The following SCD variants were observed in gnomAD, a reference collection of about 807,000 sequenced individuals.
SCD encodes stearoyl-CoA desaturase.
SCD carries 4 observed loss-of-function variants against 35.7 expected under a neutral mutation model. The ratio of observed to expected loss-of-function variants is 0.11; its 90% CI spans 0.06 to 0.26. The LOEUF is 0.26. Among genes scored for constraint, SCD ranks in the 10% least tolerant of loss-of-function variants. The pLI is 1.00. For missense variants in SCD, 282 were observed against 460.7 expected (o/e 0.61, Z 3.55); for synonymous variants, 150 against 170.2 (o/e 0.88, Z 0.92).
At chr10:100,355,969 G>GA (rs1849923048) in intron 4 of SCD, among the ~76,000 whole-genome samples, 1 of 152,214 alleles carries the variant, frequency 6.6e-6, no homozygotes. Context: ...ATTAGAAAGA[G>GA]AAAGGAGCCC....
rs773956662 is a variant in SCD at position 100,347,529 on chromosome 10, G to C, written c.25G>C (p.Asp9His). 6 of 1,613,882 alleles carry C rather than the reference G, an allele frequency of 3.7e-6. No homozygotes were observed. Among genetic ancestry groups the C allele is most frequent in the Non-Finnish European group, 5.1e-6 (6 of 1,180,004 alleles). MPAHLLQD[D>H]ISSSYTTTTT... ...GATGCCGGCCCACTTGCTGCAGGAC[G>C]ATGTGAGTTTCCCAGCCTGGCCCCG... The change falls in exon 1 of 6, where the codon GAT (aspartate) becomes CAT (histidine). Residue 9 changes from aspartate to histidine, a missense_variant and splice_region_variant. Coordinates refer to ENST00000370355, the MANE Select transcript of SCD (RefSeq NM_005063.5).
At chr10:100,353,368 A>G (rs769517604) in intron 3 of SCD, among the ~76,000 whole-genome samples, 2 of 152,078 alleles carry the variant, frequency 1.3e-5, no homozygotes, top group East Asian at 1.9e-4. Context: ...GGCAGATCAC[A>G]AGGTCAGGAG....
chr10:100,347,540 C>G lies in SCD; in HGVS notation c.27+9C>G, dbSNP rs201033598. ...ACTTGCTGCAGGACGATGTGAGTTTCCCAGCCTGGCCCCGTACCGCCGGGT... is the reference window on the plus strand; with the variant it reads ...ACTTGCTGCAGGACGATGTGAGTTTGCCAGCCTGGCCCCGTACCGCCGGGT... On this transcript the variant is annotated intron_variant, in intron 1 of 5. Coordinates refer to ENST00000370355, the MANE Select transcript of SCD (RefSeq NM_005063.5). The G allele has an allele frequency of 1.2e-6, 2 of 1,613,760 alleles. No individual in the cohort carries two copies.
intron 5 of SCD, among the ~76,000 whole-genome samples, chr10:100,359,338 C>T (rs1052948656): frequency 6.6e-6 from 1 of 152,152 alleles, no homozygotes; most frequent in Non-Finnish European, 1.5e-5. Flanking sequence ...ATCTTCTCTG[C>T]CAAATTAACC....
At chr10:100,358,695 G>A (rs1268722196) in intron 5 of SCD, among the ~76,000 whole-genome samples, 1 of 150,328 alleles carries the variant, frequency 6.7e-6, no homozygotes, top group African/African-American at 2.5e-5. Flanking sequence ...GTTCACTTGA[G>A]GTCAGGAGTT....
intron 2 of SCD, among the ~76,000 whole-genome samples, chr10:100,348,819 T>G (rs890400626): frequency 6.6e-6 from 1 of 152,102 alleles, no homozygotes; most frequent in Non-Finnish European, 1.5e-5. Flanking sequence ...AGAGAGCTCA[T>G]TGGAAAGAGA....
In SCD at chr10:100,360,906, C is replaced by T. The variant is rs372600470; in HGVS notation, c.1053C>T (p.Thr351=). 34 of 1,613,948 alleles carry T rather than the reference C, an allele frequency of 2.1e-5. No individual in the cohort carries two copies. Among genetic ancestry groups the T allele is most frequent in the East Asian group, 2.0e-4 (9 of 44,882 alleles). ...CCATCTTGGCCAGGATTAAAAGAAC[C>T]GGAGATGGAAACTACAAGAGTGGCT... ...KAAILARIKR[T]GDGNYKSG Residue 351 remains threonine, a synonymous_variant, in exon 6 of 6, where the codon ACC becomes ACT. Coordinates refer to ENST00000370355, the MANE Select transcript of SCD (RefSeq NM_005063.5).
chr10:100,359,081 G>C (rs1267227081), intron 5 of SCD, among the ~76,000 whole-genome samples: 1 of 152,108 alleles, frequency 6.6e-6, no homozygotes, highest in Non-Finnish European at 1.5e-5. Context: ...TCATAGGAAT[G>C]GAGTTTCTGG....
chr10:100,351,227 A>G (rs1849868980), intron 2 of SCD, among the ~76,000 whole-genome samples: 1 of 152,186 alleles, frequency 6.6e-6, no homozygotes, highest in African/African-American at 2.4e-5. Flanking sequence ...CCCACTTCCC[A>G]GTTAGAGATT....
chr10:100,347,441 G>A lies in SCD; in HGVS notation c.-64G>A. On this transcript the variant is annotated 5_prime_UTR_variant, in exon 1 of 6. Transcript: ENST00000370355. ...GGCTTCGAAACCGCAGTCCTCCGGCGACCCCGAACTCCGCTCCGGAGCCTC... is the reference window on the plus strand; with the variant it reads ...GGCTTCGAAACCGCAGTCCTCCGGCAACCCCGAACTCCGCTCCGGAGCCTC... 2 of 1,581,082 alleles carry A rather than the reference G, an allele frequency of 1.3e-6. No individual in the cohort carries two copies. Among genetic ancestry groups the A allele is most frequent in the South Asian group, 1.1e-5 (1 of 88,650 alleles).
rs1213122198 is a variant in SCD at position 100,364,487 on chromosome 10, T to C, written c.*3554T>C. 2 of 152,658 alleles carry C rather than the reference T, an allele frequency of 1.3e-5. No homozygotes were observed. The highest frequency in any genetic ancestry group is 2.9e-5 in the Non-Finnish European group (2 of 68,042). 9.5% of individuals were successfully genotyped at this position (152,658 alleles called of 1,614,324 possible). On this transcript the variant is annotated 3_prime_UTR_variant, in exon 6 of 6. Transcript: ENST00000370355. ...CAGGAATTCTCAAGACCTGAGTATTTTTTATAATAGGAATGTCCACCATGA... is the reference window on the plus strand; with the variant it reads ...CAGGAATTCTCAAGACCTGAGTATTCTTTATAATAGGAATGTCCACCATGA...
rs1849990169 is a variant in SCD, at chr10:100,361,565, C to T, written c.*632C>T. 2 of 152,794 alleles carry T rather than the reference C, an allele frequency of 1.3e-5. No homozygotes were observed. The highest frequency in any genetic ancestry group is 2.9e-5 in the Non-Finnish European group (2 of 68,510). The allele number at this position is 152,794 out of a possible 1,614,324, so 9.5% of individuals were successfully genotyped here. A position where few individuals can be genotyped will look rare whatever the true frequency, so the allele number is the denominator to read the frequency against. The stretch of plus-strand genomic sequence containing the variant: ...CATGATCAGACATACAGCTGCCTAC[C>T]TAATGAGGACTTCAAGCCCCACCAC... On this transcript the variant is annotated 3_prime_UTR_variant, in exon 6 of 6. Transcript: ENST00000370355.
Position 100,352,222 on chromosome 10 carries a change from G to T in SCD, c.311-144G>T, listed in dbSNP as rs991507534. 17 of 684,458 alleles carry T rather than the reference G, an allele frequency of 2.5e-5. No individual in the cohort carries two copies. The Middle Eastern group carries it at 1.3e-3, about 50-fold the overall frequency. 42.4% of individuals were successfully genotyped at this position (684,458 alleles called of 1,614,324 possible). ...CAAGTGGTAAAATCTAAGGGATGTG[G>T]TTATCCCTAGAGTTCATGGTAAAGC... On this transcript the variant is annotated intron_variant, in intron 2 of 5. Coordinates refer to ENST00000370355, the MANE Select transcript of SCD (RefSeq NM_005063.5). This position sits in a 1 kb window ranked among gnomAD's most constrained non-coding sequence, Gnocchi z 4.2.
intron 4 of SCD, among the ~76,000 whole-genome samples, chr10:100,354,940 G>T (rs1377720889): frequency 6.6e-6 from 1 of 152,148 alleles, no homozygotes; most frequent in African/African-American, 2.4e-5. Context: ...GTTTGTTTTT[G>T]TGTTTGTGTT....
chr10:100,353,018 T>A (rs1849887742), intron 3 of SCD, among the ~76,000 whole-genome samples: 4 of 152,076 alleles, frequency 2.6e-5, no homozygotes. Flanking sequence ...AACTTAGGAC[T>A]CCACCACAGT....
At position 100,356,558 on chromosome 10, in the gene SCD, T is replaced by C. The variant is rs201425289; in HGVS notation, c.674T>C (p.Met225Thr). ...RRYYKPGLLM[M>T]CFILPTLVPW... is the part of the protein sequence containing the mutation. ...TACTACAAACCTGGCTTGCTGATGATGTGCTTCATCCTGCCCACGCTTGTG... is the reference window on the plus strand; with the variant it reads ...TACTACAAACCTGGCTTGCTGATGACGTGCTTCATCCTGCCCACGCTTGTG... The change falls in exon 5 of 6, where the codon ATG (methionine) becomes ACG (threonine). Residue 225 changes from methionine (M) to threonine (T), a missense_variant. Around this residue, in one of 2 missense-constraint regions of SCD, gnomAD observed 205 missense variants for 372.3 expected, o/e 0.55. Coordinates refer to ENST00000370355, the MANE Select transcript of SCD (RefSeq NM_005063.5). The surrounding 1 kb of genome is among the most constrained non-coding windows in gnomAD (Gnocchi z 4.1). 6.2e-7 allele frequency: 1 copy of C among 1,614,040 alleles called. No individual in the cohort carries two copies. The highest frequency in any genetic ancestry group is 8.5e-7 in the Non-Finnish European group (1 of 1,179,900).
rs199828583 is a variant in SCD, at chr10:100,362,897, C to T, written c.*1964C>T. 6.6e-6 allele frequency: 1 copy of T among 152,266 alleles called. No individual in the cohort carries two copies. The highest frequency in any genetic ancestry group is 1.9e-4 in the East Asian group (1 of 5,198). The allele number at this position is 152,266 out of a possible 1,614,324, so 9.4% of individuals were successfully genotyped here. On this transcript the variant is annotated 3_prime_UTR_variant, in exon 6 of 6. Transcript: ENST00000370355. The stretch of plus-strand genomic sequence containing the variant: ...GCAAAAGAGGGTTTATTTTCAGTCC[C>T]CTCTCTCTGGGTCAGAACCAGAGGG...
At chr10:100,359,943 T>A (rs1483217317) in intron 5 of SCD, among the ~76,000 whole-genome samples, 1 of 152,194 alleles carries the variant, frequency 6.6e-6, no homozygotes, top group Non-Finnish European at 1.5e-5. Context: ...GAAATGTTCA[T>A]CCCAAGAGTC....
At chr10:100,354,363 A>G in intron 3 of SCD, 64 bp from the exon 4 acceptor site, 1 of 1,436,244 alleles carries the variant, frequency 7.0e-7, no homozygotes, top group Non-Finnish European at 9.8e-7. Flanking sequence ...ATACCTGTCC[A>G]TTGGGATTCT....
Sources: gnomAD v4.1 joint callset for allele counts (sites outside exome capture counted in the v4.1 genomes callset) on GRCh38, gnomAD v4.1.1 for gene constraint, gnomAD v4.1.1 regional missense constraint, Gnocchi (gnomAD v3.1) non-coding constraint, MANE v1.5 for transcripts, NCBI Gene and HGNC (gene_info 2026-07-23, HGNC 2026-07-21) for gene names.